The following EYA2 variants were observed in gnomAD, a reference collection of about 807,000 sequenced individuals.
EYA2 encodes EYA transcriptional coactivator and phosphatase 2.
In EYA2, 31 loss-of-function variants were observed where a neutral mutation model predicts 69.2. The ratio of observed to expected loss-of-function variants is 0.45; its 90% CI spans 0.34 to 0.60. EYA2 has a LOEUF of 0.60. Ranked by LOEUF, EYA2 falls within the 20% of genes least tolerant of loss-of-function variation. EYA2 has a pLI of 0.02. For synonymous variants in EYA2, 257 were observed against 279.4 expected, an observed-to-expected ratio of 0.92 and a Z score of 0.80; for missense variants, 622 against 701.2, an observed-to-expected ratio of 0.89 and a Z score of 1.28.
chr20:46,990,294 C>T (rs1048738946), intron 2 of EYA2, among the ~76,000 whole-genome samples, 175 bp downstream of exon 2: 8 of 152,364 alleles, frequency 5.3e-5, no homozygotes, highest in African/African-American at 1.9e-4. Flanking sequence ...TCTCTAACAA[C>T]TCTGTCTCAT....
At position 47,066,246 on chromosome 20, in the gene EYA2, C is replaced by T. The variant is rs566055283; in HGVS notation, c.416-5939C>T. Among the ~76,000 whole-genome samples the T allele has an allele frequency of 9.1e-4, 139 of 152,038 alleles. 1 individual carries two copies. The highest frequency in any genetic ancestry group is 1.1e-3 in the Non-Finnish European group (77 of 67,980). On this transcript the variant is annotated intron_variant, in intron 5 of 15. Coordinates refer to ENST00000327619, the MANE Select transcript of EYA2 (RefSeq NM_005244.5). Reference sequence around the variant, plus strand: ...ACTCAGGAGGCTAAGGTAGGAGGGTCACCAGAGTCTGGGAGGTCAAGACTG... The same window carrying T: ...ACTCAGGAGGCTAAGGTAGGAGGGTTACCAGAGTCTGGGAGGTCAAGACTG...
chr20:46,910,493 T>G (rs1470752773), intron 1 of EYA2, among the ~76,000 whole-genome samples: 1 of 152,146 alleles, frequency 6.6e-6, no homozygotes, highest in Admixed American at 6.5e-5. Context: ...CTTTTCATGG[T>G]CTCTGGTACA....
At position 47,089,318 on chromosome 20, in the gene EYA2, G is replaced by A. The variant is rs143429707; in HGVS notation, c.741G>A (p.Gly247=). 6,026 of 1,614,106 alleles carry A rather than the reference G, an allele frequency of 3.7e-3. 16 individuals carry two copies. The highest frequency in any genetic ancestry group is 6.6e-3 in the Middle Eastern group (40 of 6,062). Residue 247 remains glycine (G), a synonymous_variant, in exon 8 of 16, where the codon GGG becomes GGA. Transcript: ENST00000327619. The stretch of plus-strand genomic sequence containing the variant: ...ACAGGCCGCACCGGGCCTCCGACGG[G>A]AAGCTCCGAGGCCGGTCTAAGAGGA... The part of the protein sequence containing the change: ...DTDRPHRASD[G]KLRGRSKRSS...
chr20:46,906,340 G>A (rs1984355720), intron 1 of EYA2, among the ~76,000 whole-genome samples: 2 of 152,150 alleles, frequency 1.3e-5, no homozygotes, highest in South Asian at 2.1e-4. Context: ...CGCAGGCTGC[G>A]TACGACAAAT....
chr20:47,172,650 G>A (rs1301488340), intron 11 of EYA2, 57 bp from the exon 12 acceptor site: 9 of 1,527,138 alleles, frequency 5.9e-6, no homozygotes, highest in Non-Finnish European at 6.2e-6. Context: ...GGTCTCCCAG[G>A]GAAGATGCCC....
chr20:47,016,550 T>C (rs1983425172), intron 5 of EYA2, among the ~76,000 whole-genome samples: 1 of 152,188 alleles, frequency 6.6e-6, no homozygotes, highest in Non-Finnish European at 1.5e-5. Flanking sequence ...CAAATAAACC[T>C]GGTCTTTGCA....
At chr20:47,099,526 C>A (rs6018272) in intron 9 of EYA2, among the ~76,000 whole-genome samples, 117,193 of 152,076 alleles carry the variant, frequency 0.77, 45,451 homozygotes, top group African/African-American at 0.84. Context: ...CAATCAATCA[C>A]TCAATCAATA....
intron 11 of EYA2, among the ~76,000 whole-genome samples, chr20:47,171,115 A>C (rs1471653370): frequency 6.6e-6 from 1 of 152,220 alleles, no homozygotes; most frequent in Non-Finnish European, 1.5e-5. Flanking sequence ...CCTTTCCATG[A>C]AGTCATCGTT....
chr20:47,004,786 G>T, intron 3 of EYA2, 156 bp from the exon 4 acceptor site: 1 of 986,494 alleles, frequency 1.0e-6, no homozygotes, highest in Non-Finnish European at 1.6e-6. Context: ...TGCTTCCCAG[G>T]CAGAGGAAAA....
At chr20:47,048,449 T>C (rs888592364) in intron 5 of EYA2, among the ~76,000 whole-genome samples, 2 of 152,170 alleles carry the variant, frequency 1.3e-5, no homozygotes, top group African/African-American at 2.4e-5. Flanking sequence ...TTCAAAAATA[T>C]TATGCAGGCC....
chr20:47,019,285 A>G (rs1243078639), intron 5 of EYA2, among the ~76,000 whole-genome samples: 2 of 152,228 alleles, frequency 1.3e-5, no homozygotes, highest in East Asian at 3.8e-4. Flanking sequence ...CACAGCCCAG[A>G]TGACAGAAGG....
chr20:47,093,762 G>A (rs2032159904), intron 8 of EYA2, among the ~76,000 whole-genome samples: 2 of 152,228 alleles, frequency 1.3e-5, no homozygotes, highest in Non-Finnish European at 2.9e-5. Flanking sequence ...TCTAAAGACA[G>A]TAGTGACTGC....
chr20:46,955,488 T>C (rs1041576646), intron 1 of EYA2, among the ~76,000 whole-genome samples: 4 of 152,252 alleles, frequency 2.6e-5, no homozygotes, highest in Non-Finnish European at 5.9e-5. Flanking sequence ...TTGGTTTCAT[T>C]TTTAATTACA....
chr20:47,032,233 C>T (rs1018147562), intron 5 of EYA2, among the ~76,000 whole-genome samples: 1 of 152,190 alleles, frequency 6.6e-6, no homozygotes, highest in Non-Finnish European at 1.5e-5. Flanking sequence ...GTCCAGATTC[C>T]ACCCACCTTT....
chr20:47,172,865 G>T lies in EYA2; in HGVS notation c.1196G>T (p.Gly399Val). Residue 399 changes from glycine (G) to valine (V), a missense_variant and splice_region_variant, in exon 12 of 16, where the codon GGT becomes GTT. Gly to Val is a moderately radical substitution (Grantham distance 109). Transcript: ENST00000327619. ...TACAATACCTACAAGAACAACGTTG[G>T]TGGTGAGTACTGTGAGCCTTGGGCC... is the stretch of plus-strand genomic sequence containing the variant. The part of the protein sequence containing the change: ...EMYNTYKNNV[G>V]GLIGTPKRET... The T allele has an allele frequency of 1.2e-6, 2 of 1,610,964 alleles. No individual in the cohort carries two copies. The highest frequency in any genetic ancestry group is 1.7e-6 in the Non-Finnish European group (2 of 1,178,314).
chr20:47,185,768 C>T lies in EYA2; in HGVS notation c.1537-2285C>T, dbSNP rs1430261642. ...CCCATAGGAGATGGTTTTCTGCTTCCCTTGAGCTGAGAATTGTTTAGAAAC... is the reference window on the plus strand; with the variant it reads ...CCCATAGGAGATGGTTTTCTGCTTCTCTTGAGCTGAGAATTGTTTAGAAAC... On this transcript the variant is annotated intron_variant, in intron 15 of 15. Coordinates refer to ENST00000327619, the MANE Select transcript of EYA2 (RefSeq NM_005244.5). Among the ~76,000 whole-genome samples the T allele has an allele frequency of 5.3e-5, 8 of 152,274 alleles. No homozygotes were observed. In the East Asian group the frequency reaches 1.5e-3, roughly 29 times the overall value.
intron 5 of EYA2, among the ~76,000 whole-genome samples, chr20:47,027,026 G>A (rs1984131330): frequency 6.6e-6 from 1 of 151,944 alleles, no homozygotes. Context: ...TGAACCACAG[G>A]TCCCGAGATG....
intron 10 of EYA2, among the ~76,000 whole-genome samples, chr20:47,147,715 A>G (rs886421215): frequency 1.3e-5 from 2 of 152,206 alleles, no homozygotes; most frequent in African/African-American, 4.8e-5. Flanking sequence ...TCCGCATTAA[A>G]TCAGCAACTT....
At chr20:47,161,689 C>T (rs2034069966) in intron 10 of EYA2, 1 of 198,826 alleles carries the variant, frequency 5.0e-6, no homozygotes, top group Non-Finnish European at 1.0e-5. Context: ...TCCCCAGGGC[C>T]TCCAGCCCCC....
Sources: allele counts gnomAD v4.1 joint callset (sites outside exome capture counted in the v4.1 genomes callset), GRCh38; gene constraint gnomAD v4.1.1; transcripts MANE v1.5; gene names NCBI Gene and HGNC (gene_info 2026-07-23, HGNC 2026-07-21).